LDLRAD3: variants seen among roughly 807,000 people sequenced by gnomAD.
The protein encoded by LDLRAD3 is low-density lipoprotein receptor class A domain-containing protein 3.
Under a neutral mutation model 29.4 loss-of-function variants are expected in LDLRAD3, and 20 were observed. The ratio of observed to expected loss-of-function variants is 0.68; its 90% CI spans 0.48 to 0.99. LDLRAD3 has a LOEUF of 0.99. Among genes scored for constraint, LDLRAD3 ranks in the 50% least tolerant of loss-of-function variants. LDLRAD3 has a pLI of 0.00. For synonymous variants in LDLRAD3, 157 were observed against 192.7 expected (o/e 0.81, Z 1.53); for missense variants, 420 against 454.3 (o/e 0.92, Z 0.69).
intron 4 of LDLRAD3, among the ~76,000 whole-genome samples, chr11:36,182,835 T>C (rs1366774644): frequency 3.3e-5 from 5 of 152,168 alleles, no homozygotes; most frequent in South Asian, 4.1e-4. Context: ...AAGGCATTCC[T>C]GGAATGACTG....
intron 4 of LDLRAD3, among the ~76,000 whole-genome samples, chr11:36,105,926 G>C (rs975374956): frequency 1.3e-5 from 2 of 152,286 alleles, no homozygotes; most frequent in Middle Eastern, 3.4e-3. Flanking sequence ...CTAAGTGCCA[G>C]AGCAGAAATA....
chr11:35,962,825 A>G (rs1434144231), intron 1 of LDLRAD3, among the ~76,000 whole-genome samples: 3 of 152,236 alleles, frequency 2.0e-5, no homozygotes, highest in Non-Finnish European at 2.9e-5. Context: ...TCAGAACTCA[A>G]CGTGGGTGGG....
intron 4 of LDLRAD3, among the ~76,000 whole-genome samples, chr11:36,194,759 C>A (rs1304591235): frequency 1.3e-5 from 2 of 152,186 alleles, no homozygotes; most frequent in Non-Finnish European, 2.9e-5. Context: ...TCCCAGTTCT[C>A]TAAAACTCTG....
In LDLRAD3 at chr11:35,971,460, G is replaced by A. The variant is rs188978031; in HGVS notation, c.46+27316G>A. 3.9e-5 allele frequency among the ~76,000 whole-genome samples: 6 copies of A among 152,302 alleles called. No homozygotes were observed. The East Asian group carries it at 1.2e-3, about 29-fold the overall frequency. Reference sequence around the variant, plus strand: ...GTTAGGATAGGCTGTAGCCCAGTTTGACCTATGTCCTTGTAAGAGGAGGAG... The same window carrying A: ...GTTAGGATAGGCTGTAGCCCAGTTTAACCTATGTCCTTGTAAGAGGAGGAG... On this transcript the variant is annotated intron_variant, in intron 1 of 5. Transcript: ENST00000315571.
chr11:36,142,556 A>G (rs1385028439), intron 4 of LDLRAD3, among the ~76,000 whole-genome samples: 1 of 152,146 alleles, frequency 6.6e-6, no homozygotes, highest in Non-Finnish European at 1.5e-5. Flanking sequence ...CTTGATCCAC[A>G]GTGCATGCTG....
At chr11:36,109,370 G>A (rs1483838891) in intron 4 of LDLRAD3, among the ~76,000 whole-genome samples, 1 of 151,988 alleles carries the variant, frequency 6.6e-6, no homozygotes, top group Non-Finnish European at 1.5e-5. Context: ...TGAAGGTGGG[G>A]GCAGTGGGAA....
At chr11:35,948,039 C>CTG (rs941720196) in intron 1 of LDLRAD3, among the ~76,000 whole-genome samples, 1 of 152,132 alleles carries the variant, frequency 6.6e-6, no homozygotes, top group Admixed American at 6.5e-5. Context: ...GGTCCTTTTG[C>CTG]TGTGTGTGTG....
At chr11:36,031,239 T>C (rs1356920788) in intron 1 of LDLRAD3, among the ~76,000 whole-genome samples, 1 of 152,198 alleles carries the variant, frequency 6.6e-6, no homozygotes, top group Admixed American at 6.5e-5. Context: ...ATGCTTGTCT[T>C]TTTTGGATTC....
intron 4 of LDLRAD3, among the ~76,000 whole-genome samples, chr11:36,189,620 G>C (rs1168702992): frequency 6.6e-6 from 1 of 151,580 alleles, no homozygotes; most frequent in African/African-American, 2.4e-5. Context: ...GGGTACATGT[G>C]CACAACATGC....
At chr11:36,036,849 G>C (rs956601842) in intron 2 of LDLRAD3, among the ~76,000 whole-genome samples, 1 of 152,134 alleles carries the variant, frequency 6.6e-6, no homozygotes, top group African/African-American at 2.4e-5. Flanking sequence ...AAATGGTTTT[G>C]TGATCCTTCC....
intron 2 of LDLRAD3, among the ~76,000 whole-genome samples, chr11:36,045,722 G>GGT (rs772584096): frequency 2.2e-5 from 3 of 138,638 alleles, no homozygotes; most frequent in Admixed American, 7.1e-5. Flanking sequence ...GATCTGATGG[G>GGT]TTTTTTTTTT....
At position 36,229,206 on chromosome 11, in the gene LDLRAD3, G is replaced by T. The variant is rs1260655769; in HGVS notation, c.847G>T (p.Glu283Ter). Residue 283 changes from glutamate to a stop codon, truncating the protein, a stop_gained, in exon 6 of 6, where the codon GAA (glutamate) becomes TAA (stop). Transcript: ENST00000315571. LOFTEE classifies it high-confidence loss of function. ...TCCACCGCCCTACTCTTCTGACACG[G>T]AATCTCTGAACCAAGCCGACCTGCC... ...LPPPPYSSDT[E>*]SLNQADLPPY... 4 of 1,613,980 alleles carry T rather than the reference G, an allele frequency of 2.5e-6. No homozygotes were observed. The South Asian group carries it at 4.4e-5, about 18-fold the overall frequency.
intron 2 of LDLRAD3, among the ~76,000 whole-genome samples, chr11:36,042,112 T>C (rs923060635): frequency 1.3e-5 from 2 of 152,086 alleles, no homozygotes; most frequent in Non-Finnish European, 2.9e-5. Flanking sequence ...CCACGAAATA[T>C]AAGAGCAAGA....
At chr11:35,963,207 G>C (rs1288741870) in intron 1 of LDLRAD3, among the ~76,000 whole-genome samples, 1 of 152,180 alleles carries the variant, frequency 6.6e-6, no homozygotes, top group Admixed American at 6.5e-5. Context: ...CGGTCCCATA[G>C]ATAGTTTTTT....
chr11:36,049,971 C>T lies in LDLRAD3; in HGVS notation c.193+13722C>T, dbSNP rs1227651672. On this transcript the variant is annotated intron_variant, in intron 2 of 5. Transcript: ENST00000315571. Reference sequence around the variant, plus strand: ...TCAAGTGAAGTGTTGTTTGCCTCTCCTGCTCTTTCAGGATCTAGCAATAAA... The same window carrying T: ...TCAAGTGAAGTGTTGTTTGCCTCTCTTGCTCTTTCAGGATCTAGCAATAAA... Among the ~76,000 whole-genome samples the T allele has an allele frequency of 2.6e-5, 4 of 152,294 alleles. No homozygotes were observed. The East Asian group carries it at 7.7e-4, about 29-fold the overall frequency.
intron 4 of LDLRAD3, among the ~76,000 whole-genome samples, chr11:36,198,711 C>T (rs1401188180): frequency 6.6e-6 from 1 of 152,196 alleles, no homozygotes; most frequent in Non-Finnish European, 1.5e-5. Context: ...CTGGCACCTG[C>T]TTAGAGCCTC....
At chr11:36,178,080 T>C (rs991442701) in intron 4 of LDLRAD3, among the ~76,000 whole-genome samples, 18 of 152,226 alleles carry the variant, frequency 1.2e-4, no homozygotes, top group Non-Finnish European at 2.6e-4. Flanking sequence ...AAGTTCACGA[T>C]GTGAGTTTCT....
intron 4 of LDLRAD3, among the ~76,000 whole-genome samples, chr11:36,154,057 C>T (rs1239649031): frequency 6.6e-6 from 1 of 152,150 alleles, no homozygotes; most frequent in Non-Finnish European, 1.5e-5. Context: ...CCAGTTGTGT[C>T]TCAACCACTG....
chr11:35,973,472 T>G (rs946347951), intron 1 of LDLRAD3, among the ~76,000 whole-genome samples: 5 of 152,076 alleles, frequency 3.3e-5, no homozygotes, highest in African/African-American at 9.7e-5. Context: ...GTTTTGTTTT[T>G]TTTGAGGTGT....
Sources: allele counts gnomAD v4.1 joint callset (sites outside exome capture counted in the v4.1 genomes callset), GRCh38; gene constraint gnomAD v4.1.1; transcripts MANE v1.5; gene names NCBI Gene and HGNC (gene_info 2026-07-23, HGNC 2026-07-21).